ROBO2: variants seen among roughly 807,000 people sequenced by gnomAD.
ROBO2 encodes the protein roundabout guidance receptor 2, also known as roundabout homolog 2.
In ROBO2, 53 loss-of-function variants were observed where a neutral mutation model predicts 160.8. That is an observed-to-expected ratio of 0.33 (90% CI 0.26 to 0.41). The LOEUF (loss-of-function observed/expected upper bound fraction) is 0.41, where lower values mean the gene tolerates loss of function less well. Among genes scored for constraint, ROBO2 ranks in the 10% least tolerant of loss-of-function variants. The pLI is 1.00. For synonymous variants in ROBO2, 664 were observed against 611.7 expected (o/e 1.09, Z -1.26); for missense variants, 1,577 against 1,722.4 (o/e 0.92, Z 1.49).
chr3:77,494,834 T>C (rs546601173), intron 5 of ROBO2, among the ~76,000 whole-genome samples: 1 of 152,356 alleles, frequency 6.6e-6, no homozygotes, highest in African/African-American at 2.4e-5. Context: ...CCATTTATAA[T>C]AGTTACTGAG....
intron 2 of ROBO2, among the ~76,000 whole-genome samples, chr3:76,317,050 G>A (rs927577061): frequency 6.6e-6 from 1 of 152,186 alleles, no homozygotes; most frequent in African/African-American, 2.4e-5. Context: ...ACTTTACATA[G>A]ATAAGAAGAC....
At chr3:77,598,837 T>A (rs148914507) in intron 19 of ROBO2, among the ~76,000 whole-genome samples, 109 of 152,276 alleles carry the variant, frequency 7.2e-4, no homozygotes, top group African/African-American at 2.6e-3. Flanking sequence ...CAAAAGGAAT[T>A]CTGTTCCCAC....
intron 2 of ROBO2, among the ~76,000 whole-genome samples, chr3:76,667,336 C>A (rs988565978): frequency 2.0e-5 from 3 of 152,070 alleles, no homozygotes; most frequent in Non-Finnish European, 4.4e-5. Flanking sequence ...ACAAGATTCC[C>A]AAATGCAGTC....
At chr3:77,165,216 A>C (rs976209784) in intron 2 of ROBO2, among the ~76,000 whole-genome samples, 37 of 150,498 alleles carry the variant, frequency 2.5e-4, no homozygotes, top group African/African-American at 7.8e-4. Flanking sequence ...GTTCTGCACT[A>C]AGAAAAATTC....
intron 2 of ROBO2, among the ~76,000 whole-genome samples, chr3:76,257,713 C>T (rs1437746911): frequency 2.6e-5 from 4 of 151,398 alleles, no homozygotes; most frequent in Non-Finnish European, 2.9e-5. Flanking sequence ...CTTTCTCTCA[C>T]TGCATACAGT....
intron 16 of ROBO2, among the ~76,000 whole-genome samples, chr3:77,582,274 G>T (rs1400898486): frequency 6.6e-6 from 1 of 152,080 alleles, no homozygotes; most frequent in Non-Finnish European, 1.5e-5. Context: ...GCTAACTTTT[G>T]TATCTTTGTA....
At chr3:76,130,160 C>A (rs928056101) in intron 2 of ROBO2, among the ~76,000 whole-genome samples, 2 of 151,990 alleles carry the variant, frequency 1.3e-5, no homozygotes, top group African/African-American at 4.8e-5. Flanking sequence ...TTCTTATAAG[C>A]TCTGCAGAGT....
intron 2 of ROBO2, among the ~76,000 whole-genome samples, chr3:76,893,326 A>ACACG (rs952832456): frequency 1.3e-5 from 2 of 151,806 alleles, no homozygotes; most frequent in African/African-American, 2.4e-5. Context: ...ACACACACAC[A>ACACG]CACGCACTAC....
At chr3:76,780,457 C>T (rs2062566252) in intron 2 of ROBO2, among the ~76,000 whole-genome samples, 2 of 150,556 alleles carry the variant, frequency 1.3e-5, no homozygotes, top group South Asian at 2.1e-4. Flanking sequence ...TTTAGTTTTG[C>T]TTTGTTTGTC....
chr3:76,326,784 A>T (rs1403731577), intron 2 of ROBO2, among the ~76,000 whole-genome samples: 1 of 71,534 alleles, frequency 1.4e-5, no homozygotes, highest in Non-Finnish European at 2.5e-5. Flanking sequence ...CCCACCCCAC[A>T]GCAGTCCCCA....
intron 2 of ROBO2, among the ~76,000 whole-genome samples, chr3:75,972,565 T>C (rs889145352): frequency 6.6e-6 from 1 of 151,676 alleles, no homozygotes; most frequent in Non-Finnish European, 1.5e-5. Context: ...AATTTGATAA[T>C]GTTAGGGATT....
intron 2 of ROBO2, among the ~76,000 whole-genome samples, chr3:76,536,939 G>T (rs1352504653): frequency 6.6e-6 from 1 of 152,120 alleles, no homozygotes; most frequent in East Asian, 1.9e-4. Context: ...AGAGGAAATT[G>T]TTGGGCAGGT....
At chr3:76,484,147 T>G (rs1228260736) in intron 2 of ROBO2, among the ~76,000 whole-genome samples, 5 of 152,280 alleles carry the variant, frequency 3.3e-5, no homozygotes, top group Middle Eastern at 3.4e-3. Flanking sequence ...CCATTCTGCT[T>G]ACCTATGTGA....
intron 2 of ROBO2, among the ~76,000 whole-genome samples, chr3:77,114,313 G>T (rs1003929774): frequency 6.6e-6 from 1 of 152,076 alleles, no homozygotes; most frequent in Non-Finnish European, 1.5e-5. Context: ...TGTATATTTT[G>T]TTTTCAAAAT....
intron 2 of ROBO2, among the ~76,000 whole-genome samples, chr3:77,144,399 C>T (rs1330933329): frequency 2.0e-5 from 3 of 152,116 alleles, no homozygotes; most frequent in Non-Finnish European, 2.9e-5. Flanking sequence ...GTGGACATCT[C>T]GACTCTCTAA....
chr3:76,702,458 C>T (rs1288817263), intron 2 of ROBO2, among the ~76,000 whole-genome samples: 1 of 151,670 alleles, frequency 6.6e-6, no homozygotes, highest in Non-Finnish European at 1.5e-5. Flanking sequence ...AACAAACAAA[C>T]AAACAAACAG....
At chr3:76,069,525 G>T (rs1576725822) in intron 2 of ROBO2, among the ~76,000 whole-genome samples, 2 of 148,190 alleles carry the variant, frequency 1.3e-5, no homozygotes, top group African/African-American at 5.0e-5. Context: ...CTTATTGCTA[G>T]TTTTTTTTTT....
chr3:76,609,835 T>TA (rs1237698294), intron 2 of ROBO2, among the ~76,000 whole-genome samples: 1 of 152,212 alleles, frequency 6.6e-6, no homozygotes, highest in Non-Finnish European at 1.5e-5. Flanking sequence ...TCTCATTCAG[T>TA]ATGATACTAG....
chr3:77,291,183 A>G (rs895040018), intron 2 of ROBO2, among the ~76,000 whole-genome samples: 4 of 149,324 alleles, frequency 2.7e-5, no homozygotes, highest in Admixed American at 6.7e-5. Context: ...GTAAAGACAT[A>G]AAGTAAAATT....
Sources: gnomAD v4.1 joint callset for allele counts (sites outside exome capture counted in the v4.1 genomes callset) on GRCh38, gnomAD v4.1.1 for gene constraint, MANE v1.5 for transcripts, NCBI Gene and HGNC (gene_info 2026-07-23, HGNC 2026-07-21) for gene names.